Variants in KAZN observed in about 807,000 individuals in gnomAD.
KAZN encodes the protein kazrin.
In KAZN, 40 loss-of-function variants were observed where a neutral mutation model predicts 87.4. The ratio of observed to expected loss-of-function variants is 0.46; its 90% CI spans 0.36 to 0.60. The LOEUF (loss-of-function observed/expected upper bound fraction) is 0.60, where lower values mean the gene tolerates loss of function less well. KAZN is among the 20% of genes least tolerant of loss of function. The pLI, the probability that KAZN is intolerant of heterozygous loss-of-function variation, is 0.00. For synonymous variants in KAZN, 466 were observed against 458.3 expected, an observed-to-expected ratio of 1.02 and a Z score of -0.22; for missense variants, 898 against 1,073.9, an observed-to-expected ratio of 0.84 and a Z score of 2.29.
chr1:14,504,474 A>T (rs1227687566), intron 2 of KAZN, among the ~76,000 whole-genome samples: 1 of 152,240 alleles, frequency 6.6e-6, no homozygotes, highest in Non-Finnish European at 1.5e-5. Flanking sequence ...CACTTCCAAC[A>T]AGCGAGTTCT....
At chr1:14,818,713 G>T (rs1243319823) in intron 1 of KAZN, among the ~76,000 whole-genome samples, 1 of 152,210 alleles carries the variant, frequency 6.6e-6, no homozygotes, top group Non-Finnish European at 1.5e-5. Flanking sequence ...ATTCCTTGCA[G>T]GTCAGCCTCC....
chr1:14,984,909 G>A (rs565265735), intron 2 of KAZN, among the ~76,000 whole-genome samples: 28 of 152,158 alleles, frequency 1.8e-4, no homozygotes, highest in South Asian at 1.7e-3. Flanking sequence ...AGGCCAAGGC[G>A]GGCAGATCAC....
chr1:13,990,556 C>T (rs928292160), intron 1 of KAZN, among the ~76,000 whole-genome samples: 3 of 152,104 alleles, frequency 2.0e-5, no homozygotes, highest in African/African-American at 7.2e-5. Context: ...AGGGGACACG[C>T]GGGAGCTTTC....
chr1:14,448,584 T>C (rs2148327452), intron 2 of KAZN, among the ~76,000 whole-genome samples: 1 of 152,310 alleles, frequency 6.6e-6, no homozygotes, highest in South Asian at 2.1e-4. Context: ...ATCTACTAAA[T>C]GCACATCCTG....
intron 1 of KAZN, among the ~76,000 whole-genome samples, chr1:14,766,380 C>G (rs1367367525): frequency 6.6e-6 from 1 of 151,972 alleles, no homozygotes; most frequent in Non-Finnish European, 1.5e-5. Flanking sequence ...TGAGCTGCCC[C>G]AGAGGCTGGG....
chr1:14,614,893 CTT>C (rs1452908082), intron 1 of KAZN, among the ~76,000 whole-genome samples: 1 of 152,248 alleles, frequency 6.6e-6, no homozygotes, highest in Non-Finnish European at 1.5e-5. Flanking sequence ...AATGCTGTCT[CTT>C]AACACTTCCT....
intron 3 of KAZN, among the ~76,000 whole-genome samples, chr1:15,037,809 TG>T (rs887035777): frequency 1.3e-5 from 2 of 152,098 alleles, no homozygotes; most frequent in African/African-American, 4.8e-5. Context: ...GTCTGGTTTC[TG>T]GGAATGGGGT....
intron 5 of KAZN, among the ~76,000 whole-genome samples, chr1:15,058,002 A>G (rs1169236561): frequency 6.6e-6 from 1 of 151,884 alleles, no homozygotes; most frequent in Non-Finnish European, 1.5e-5. Context: ...ACATACAACC[A>G]TCTCCATGCA....
chr1:14,228,059 A>G (rs1647454592), intron 2 of KAZN, among the ~76,000 whole-genome samples: 1 of 152,160 alleles, frequency 6.6e-6, no homozygotes, highest in Non-Finnish European at 1.5e-5. Flanking sequence ...TCTTCTGATT[A>G]CTTGGTGCAT....
At chr1:15,084,182 C>G (rs1203875045) in intron 8 of KAZN, among the ~76,000 whole-genome samples, 1 of 152,194 alleles carries the variant, frequency 6.6e-6, no homozygotes, top group Non-Finnish European at 1.5e-5. Context: ...GGACTTTTCC[C>G]ATCACTGATG....
intron 1 of KAZN, among the ~76,000 whole-genome samples, chr1:14,120,244 G>A (rs1644721656): frequency 6.6e-6 from 1 of 152,062 alleles, no homozygotes. Flanking sequence ...AAGAGGAACG[G>A]CATCTCACAT....
chr1:14,809,766 G>A (rs1340514552), intron 1 of KAZN, among the ~76,000 whole-genome samples: 1 of 152,190 alleles, frequency 6.6e-6, no homozygotes, highest in East Asian at 1.9e-4. Flanking sequence ...CTGCATGCCT[G>A]TAGACCCGGG....
intron 2 of KAZN, among the ~76,000 whole-genome samples, chr1:14,525,240 T>G (rs1331660476): frequency 6.6e-6 from 1 of 152,282 alleles, no homozygotes; most frequent in Non-Finnish European, 1.5e-5. Flanking sequence ...TATTCTTAGC[T>G]TGCCAGCCAT....
At chr1:13,960,496 A>G (rs1641709429) in intron 1 of KAZN, among the ~76,000 whole-genome samples, 1 of 152,090 alleles carries the variant, frequency 6.6e-6, no homozygotes, top group African/African-American at 2.4e-5. Context: ...CGGGCCACAG[A>G]GATGAAGGTG....
chr1:14,764,212 C>T (rs537486394), intron 1 of KAZN, among the ~76,000 whole-genome samples: 2 of 152,038 alleles, frequency 1.3e-5, no homozygotes, highest in African/African-American at 2.4e-5. Context: ...GCTGGGACCT[C>T]AGGCCTTTGC....
At chr1:14,419,026 G>A (rs567663812) in intron 2 of KAZN, among the ~76,000 whole-genome samples, 8 of 152,148 alleles carry the variant, frequency 5.3e-5, no homozygotes, top group Non-Finnish European at 8.8e-5. Flanking sequence ...TGTTCAATAA[G>A]CACATGGAAA....
intron 2 of KAZN, among the ~76,000 whole-genome samples, chr1:14,335,112 C>CA (rs200752509): frequency 1.1e-4 from 16 of 151,242 alleles, no homozygotes; most frequent in Admixed American, 3.3e-4. Flanking sequence ...CGGTGCCCCC[C>CA]CCCCACCACC....
chr1:14,945,035 G>A (rs776180779), intron 1 of KAZN, among the ~76,000 whole-genome samples: 1 of 152,308 alleles, frequency 6.6e-6, no homozygotes, highest in Non-Finnish European at 1.5e-5. Flanking sequence ...CAGGCTGCAC[G>A]GAGGCTCATG....
intron 2 of KAZN, among the ~76,000 whole-genome samples, chr1:14,395,124 A>G (rs1662784652): frequency 6.6e-6 from 1 of 152,046 alleles, no homozygotes; most frequent in Admixed American, 6.6e-5. Flanking sequence ...AAGGAAGGAG[A>G]GGAGAGAGAA....
Sources: allele counts gnomAD v4.1 joint callset (sites outside exome capture counted in the v4.1 genomes callset), GRCh38; gene constraint gnomAD v4.1.1; transcripts MANE v1.5; gene names NCBI Gene and HGNC (gene_info 2026-07-23, HGNC 2026-07-21).